TRIM72: variants seen among roughly 807,000 people sequenced by gnomAD.
TRIM72 encodes the protein tripartite motif-containing protein 72.
Under a neutral mutation model 31.6 loss-of-function variants are expected in TRIM72, and 33 were observed. The observed-to-expected ratio is 1.04, with a 90% CI of 0.79 to 1.40. TRIM72 has a LOEUF of 1.40. TRIM72 is among the 40% of genes most tolerant of loss of function. The pLI, the probability that TRIM72 is intolerant of heterozygous loss-of-function variation, is 0.00. For synonymous variants in TRIM72, 301 were observed against 314.4 expected (o/e 0.96, Z 0.45); for missense variants, 666 against 682.7 (o/e 0.98, Z 0.27).
chr16:31,222,679 G>A (rs987081878), intron 5 of TRIM72, 148 bp from the exon 6 acceptor site: 2 of 560,692 alleles, frequency 3.6e-6, no homozygotes, highest in African/African-American at 4.0e-5. Context: ...CATCACCAGT[G>A]TTTATCTCCA....
In TRIM72 at chr16:31,224,864, G is replaced by C. The variant is rs1195350860; in HGVS notation, c.*109G>C. 8.8e-7 allele frequency: 1 copy of C among 1,138,898 alleles called. No homozygotes were observed. Among genetic ancestry groups the C allele is most frequent in the Non-Finnish European group, 1.2e-6 (1 of 847,404 alleles). The allele number at this position is 1,138,898 out of a possible 1,614,324, so 70.5% of individuals were successfully genotyped here. ...GGAGCGGGTTGCCAGGGCCCAGGGG[G>C]CTGGGAACTGGGGGATCTCCCAGAA... On this transcript the variant is annotated 3_prime_UTR_variant, in exon 7 of 7. Coordinates refer to ENST00000322122, the MANE Select transcript of TRIM72 (RefSeq NM_001008274.4).
intron 2 of TRIM72, chr16:31,217,093 C>A: frequency 6.6e-7 from 1 of 1,519,880 alleles, no homozygotes; most frequent in Non-Finnish European, 8.9e-7. Context: ...TTTCCTGCAG[C>A]AGGTGGAGCT....
chr16:31,217,239 A>G (rs2079514521), intron 2 of TRIM72: 2 of 584,862 alleles, frequency 3.4e-6, no homozygotes, highest in African/African-American at 1.9e-5. Flanking sequence ...GGGGGCGCCA[A>G]ATTGTTGAGG....
chr16:31,221,747 C>T (rs1462114266), intron 5 of TRIM72, among the ~76,000 whole-genome samples: 2 of 125,406 alleles, frequency 1.6e-5, no homozygotes, highest in African/African-American at 3.1e-5. Context: ...AAGAAGCGCA[C>T]TGTGGGGAGA....
rs2079510150 is a variant in TRIM72 at position 31,216,656 on chromosome 16, T to A, written c.390+1528T>A. 1.6e-5 allele frequency: 22 copies of A among 1,405,432 alleles called. No homozygotes were observed. The South Asian group carries it at 2.9e-4, about 19-fold the overall frequency. 87.1% of individuals were successfully genotyped at this position (1,405,432 alleles called of 1,614,324 possible). ...TGAGGGAGGACCCCAGGAGGGACCCTGAAGGAGGGGAACAGGAAGGCTCTG... is the reference window on the plus strand; with the variant it reads ...TGAGGGAGGACCCCAGGAGGGACCCAGAAGGAGGGGAACAGGAAGGCTCTG... On this transcript the variant is annotated intron_variant, in intron 2 of 6. Transcript: ENST00000322122. This position sits in a 1 kb window ranked among gnomAD's most constrained non-coding sequence, Gnocchi z 6.7.
In TRIM72 at chr16:31,228,289, T is replaced by G. The variant is rs565947575; in HGVS notation, c.*3534T>G. The G allele has an allele frequency of 1.3e-5, 2 of 152,366 alleles. No individual in the cohort carries two copies. Among genetic ancestry groups the G allele is most frequent in the East Asian group, 3.9e-4 (2 of 5,186 alleles). The allele number at this position is 152,366 out of a possible 1,614,324, so 9.4% of individuals were successfully genotyped here. A position where few individuals can be genotyped will look rare whatever the true frequency, so the allele number is the denominator to read the frequency against. On this transcript the variant is annotated 3_prime_UTR_variant, in exon 7 of 7. Coordinates refer to ENST00000322122, the MANE Select transcript of TRIM72 (RefSeq NM_001008274.4). ...AAAAGAAAAGTTCTCTGTTTTAATA[T>G]CTAACAGGGCAAATATTGAAAGATA... is the stretch of plus-strand genomic sequence containing the variant.
Position 31,215,533 on chromosome 16 carries a change from G to A in TRIM72, c.390+405G>A, listed in dbSNP as rs2079504241. Among the ~76,000 whole-genome samples the A allele has an allele frequency of 6.6e-6, 1 of 152,154 alleles. No individual in the cohort carries two copies. The highest frequency in any genetic ancestry group is 1.5e-5 in the Non-Finnish European group (1 of 68,002). ...GGCCGTTCGGGCTGGCTCCCTGCTC[G>A]GCGCTGGCCCACTTTGGACTGGAGG... On this transcript the variant is annotated intron_variant, in intron 2 of 6. Coordinates refer to ENST00000322122, the MANE Select transcript of TRIM72 (RefSeq NM_001008274.4). The surrounding 1 kb of genome is among the most constrained non-coding windows in gnomAD (Gnocchi z 6.3).
In TRIM72 at chr16:31,216,787, T is replaced by A. The variant is rs1381506016; in HGVS notation, c.390+1659T>A. The A allele has an allele frequency of 6.2e-7, 1 of 1,607,188 alleles. No homozygotes were observed. Among genetic ancestry groups the A allele is most frequent in the South Asian group, 1.1e-5 (1 of 90,980 alleles). On this transcript the variant is annotated intron_variant, in intron 2 of 6. Transcript: ENST00000322122. This position sits in a 1 kb window ranked among gnomAD's most constrained non-coding sequence, Gnocchi z 6.7. ...CGCAGCCCGCTGCAGCCGTGCGGCC[T>A]CCTCCAACATGCGCATGTCGCGCAG...
rs2079502703 is a variant in TRIM72 at position 31,215,300 on chromosome 16, A to C, written c.390+172A>C. Among the ~76,000 whole-genome samples the C allele has an allele frequency of 6.6e-6, 1 of 152,124 alleles. No individual in the cohort carries two copies. Among genetic ancestry groups the C allele is most frequent in the South Asian group, 2.1e-4 (1 of 4,828 alleles). On this transcript the variant is annotated intron_variant, in intron 2 of 6. Coordinates refer to ENST00000322122, the MANE Select transcript of TRIM72 (RefSeq NM_001008274.4). The surrounding 1 kb of genome is among the most constrained non-coding windows in gnomAD (Gnocchi z 6.3). ...CCAGGAAAGAGGGTCTGAGGAGCTTAAGGCGGGGCTGGCAGAGGAAAGCCG... is the reference window on the plus strand; with the variant it reads ...CCAGGAAAGAGGGTCTGAGGAGCTTCAGGCGGGGCTGGCAGAGGAAAGCCG...
In TRIM72 at chr16:31,225,060, T is replaced by A. The variant is rs527400773; in HGVS notation, c.*305T>A. 2 of 217,418 alleles carry A rather than the reference T, an allele frequency of 9.2e-6. No homozygotes were observed. Among genetic ancestry groups the A allele is most frequent in the East Asian group, 1.0e-4 (1 of 9,650 alleles). 13.5% of individuals were successfully genotyped at this position (217,418 alleles called of 1,614,324 possible). On this transcript the variant is annotated 3_prime_UTR_variant, in exon 7 of 7. Transcript: ENST00000322122. ...CAAAAATGAGCTGGGCGCGGTGGCA[T>A]ACGCCTGTAATCCCAGCTAGTTGGG...
chr16:31,214,634 T>C, intron 1 of TRIM72, 98 bp from the exon 2 acceptor site: 10 of 1,296,282 alleles, frequency 7.7e-6, no homozygotes, highest in South Asian at 1.8e-5. Flanking sequence ...GGCTTCTCCC[T>C]GCGGGGCGGC....
chr16:31,221,949 G>A (rs1356825625), intron 5 of TRIM72, among the ~76,000 whole-genome samples: 1 of 152,110 alleles, frequency 6.6e-6, no homozygotes, highest in Non-Finnish European at 1.5e-5. Context: ...GCTGGGAGAA[G>A]GGTGTTGCTG....
At chr16:31,222,164 G>A (rs987418368) in intron 5 of TRIM72, among the ~76,000 whole-genome samples, 14 of 152,196 alleles carry the variant, frequency 9.2e-5, no homozygotes, top group African/African-American at 2.9e-4. Context: ...AGGCTGAGGC[G>A]GGCAGATCAC....
At chr16:31,220,996 C>A in intron 5 of TRIM72, 78 bp downstream of exon 5, 2 of 1,574,660 alleles carry the variant, frequency 1.3e-6, no homozygotes, top group Non-Finnish European at 1.7e-6. Flanking sequence ...ACTCTCCACT[C>A]ACTATTGTGC....
chr16:31,218,148 C>A (rs1471806342), intron 2 of TRIM72, among the ~76,000 whole-genome samples: 1 of 152,110 alleles, frequency 6.6e-6, no homozygotes, highest in African/African-American at 2.4e-5. Flanking sequence ...TGGGAGAGAC[C>A]AAACCACACT....
At position 31,228,506 on chromosome 16, in the gene TRIM72, A is replaced by T. The variant is rs931837827; in HGVS notation, c.*3751A>T. On this transcript the variant is annotated 3_prime_UTR_variant, in exon 7 of 7. Coordinates refer to ENST00000322122, the MANE Select transcript of TRIM72 (RefSeq NM_001008274.4). ...GCTGTGTCCAGCCTCACCTTGGATC[A>T]CCGCCCTGTGCATGTCTACACTCTG... is the stretch of plus-strand genomic sequence containing the variant. 6.7e-6 allele frequency: 1 copy of T among 148,866 alleles called. No homozygotes were observed. Among genetic ancestry groups the T allele is most frequent in the Non-Finnish European group, 1.5e-5 (1 of 67,874 alleles). 9.2% of individuals were successfully genotyped at this position (148,866 alleles called of 1,614,324 possible). A position where few individuals can be genotyped will look rare whatever the true frequency, so the allele number is the denominator to read the frequency against.
At chr16:31,217,045 T>G in intron 2 of TRIM72, 1 of 1,603,238 alleles carries the variant, frequency 6.2e-7, no homozygotes. Context: ...GCCCTGCGCC[T>G]CTGAGCCTCC....
At position 31,227,369 on chromosome 16, in the gene TRIM72, T is replaced by G. The variant is rs10871455; in HGVS notation, c.*2614T>G. On this transcript the variant is annotated 3_prime_UTR_variant, in exon 7 of 7. Transcript: ENST00000322122. ...CTTAGCATTTGAGCTGTTCTGCCATTTTTTTTGTTGGTTGGTTTGTTTGTT... is the reference window on the plus strand; with the variant it reads ...CTTAGCATTTGAGCTGTTCTGCCATGTTTTTTGTTGGTTGGTTTGTTTGTT... The G allele has an allele frequency of 0.93, 141,893 of 152,394 alleles. 66,926 individuals carry two copies. Among genetic ancestry groups the G allele is most frequent in the East Asian group, 1 (5,180 of 5,180 alleles). 9.4% of individuals were successfully genotyped at this position (152,394 alleles called of 1,614,324 possible). A position where few individuals can be genotyped will look rare whatever the true frequency, so the allele number is the denominator to read the frequency against.
Position 31,214,845 on chromosome 16 carries a change from C to T in TRIM72, c.107C>T (p.Ala36Val), listed in dbSNP as rs1451796095. ...GAGTGCGGCCACAGTTTCTGCCGCG[C>T]CTGCCTAGGCCGCGTGGCCGGGGAG... ...TAECGHSFCR[A>V]CLGRVAGEPA... The change falls in exon 2 of 7, where the codon GCC becomes GTC. Residue 36 changes from alanine to valine, a missense_variant. Physicochemically the swap from Ala to Val is moderately conservative, Grantham distance 64 (BLOSUM62 0). Coordinates refer to ENST00000322122, the MANE Select transcript of TRIM72 (RefSeq NM_001008274.4). 5 of 1,545,916 alleles carry T rather than the reference C, an allele frequency of 3.2e-6. No homozygotes were observed. The Admixed American group carries it at 7.5e-5, about 23-fold the overall frequency.
Sources: allele counts gnomAD v4.1 joint callset (sites outside exome capture counted in the v4.1 genomes callset), GRCh38; gene constraint gnomAD v4.1.1; non-coding constraint Gnocchi (gnomAD v3.1); transcripts MANE v1.5; gene names NCBI Gene and HGNC (gene_info 2026-07-23, HGNC 2026-07-21).